The following ZNF541 variants were observed in gnomAD, a reference collection of about 807,000 sequenced individuals.
The protein encoded by ZNF541 is zinc finger protein 541.
In ZNF541, 23 loss-of-function variants were observed where a neutral mutation model predicts 123.5. The observed-to-expected ratio is 0.19, with a 90% confidence interval of 0.13 to 0.26. The LOEUF (loss-of-function observed/expected upper bound fraction) is 0.26, where lower values mean the gene tolerates loss of function less well. ZNF541 is among the 10% of genes least tolerant of loss of function. The pLI is 1.00. For synonymous variants in ZNF541, 751 were observed against 754.5 expected, an observed-to-expected ratio of 1.00 and a Z score of 0.08; for missense variants, 1,612 against 1,789.9, an observed-to-expected ratio of 0.90 and a Z score of 1.79.
intron 9 of ZNF541, among the ~76,000 whole-genome samples, chr19:47,533,240 T>C (rs1281783731): frequency 1.3e-5 from 2 of 151,090 alleles, no homozygotes; most frequent in East Asian, 1.9e-4. Context: ...GGCGTGGTAG[T>C]GGGTGCCTGT....
Position 47,531,737 on chromosome 19 carries a change from G to A in ZNF541, c.3310C>T (p.Leu1104Phe), listed in dbSNP as rs1360679614. ...ACGCTGGAGCATGCCACATTGCAGA[G>A]CTCGGTCACTGTTTCCAAGAAGGAC... is the stretch of plus-strand genomic sequence containing the variant. Reference protein sequence around the residue: ...SSETQDRVTELCNVACSSVMP... With the variant: ...SSETQDRVTEFCNVACSSVMP... The change falls in exon 12 of 17, where the codon CTC becomes TTC. Residue 1104 changes from leucine (L) to phenylalanine (F), a missense_variant. Coordinates refer to ENST00000391901, the MANE Select transcript of ZNF541 (RefSeq NM_001277075.3). The A allele has an allele frequency of 3.2e-6, 5 of 1,543,536 alleles. No homozygotes were observed. Among genetic ancestry groups the A allele is most frequent in the Admixed American group, 3.9e-5 (2 of 50,722 alleles).
chr19:47,524,564 C>T (rs936210940), intron 14 of ZNF541, among the ~76,000 whole-genome samples: 1 of 151,778 alleles, frequency 6.6e-6, no homozygotes, highest in Admixed American at 6.6e-5. Context: ...AAAATTTAGC[C>T]GGGTGTGGTG....
chr19:47,524,706 TAAAAAAA>T (rs1159585510), intron 14 of ZNF541, among the ~76,000 whole-genome samples: 1 of 96,746 alleles, frequency 1.0e-5, no homozygotes, highest in Non-Finnish European at 2.1e-5. Context: ...AGACTCTGTC[TAAAAAAA>T]AAAAAAAAAA....
At chr19:47,568,802 G>A (rs1360288066) in intron 2 of ZNF541, among the ~76,000 whole-genome samples, 1 of 152,232 alleles carries the variant, frequency 6.6e-6, no homozygotes, top group Non-Finnish European at 1.5e-5. Flanking sequence ...CTTCCGAGTA[G>A]CTGGGACTAC....
chr19:47,544,623 T>C lies in ZNF541; in HGVS notation c.1906A>G (p.Arg636Gly), dbSNP rs1970237019. 1 of 1,550,588 alleles carries C rather than the reference T, an allele frequency of 6.4e-7. No individual in the cohort carries two copies. Among genetic ancestry groups the C allele is most frequent in the Non-Finnish European group, 8.7e-7 (1 of 1,146,840 alleles). The change falls in exon 5 of 17, where the codon AGA (arginine) becomes GGA (glycine). Residue 636 changes from arginine (R) to glycine (G), a missense_variant. Coordinates refer to ENST00000391901, the MANE Select transcript of ZNF541 (RefSeq NM_001277075.3). The stretch of plus-strand genomic sequence containing the variant: ...CTCGTGCTGCCGGGGGAGGCCTCTC[T>C]GGGAACCCCGGGTGTGGTTTTTCTC... ...RRRKTTPGVP[R>G]EASPGSTRRD... is the part of the protein sequence containing the mutation.
chr19:47,544,899 T>C lies in ZNF541; in HGVS notation c.1630A>G (p.Lys544Glu), dbSNP rs1186986786. ...TGGCTCACAAGAGGTTCCTGCGACT[T>C]GAGGAAGAGCTGGCGGAAGAGCGGC... is the stretch of plus-strand genomic sequence containing the variant. The part of the protein sequence containing the change: ...ASPLFRQLFL[K>E]SQEPLVSHEQ... Residue 544 changes from lysine to glutamate, a missense_variant, in exon 5 of 17, where the codon AAG becomes GAG. Around this residue, in one of 5 missense-constraint regions of ZNF541, gnomAD observed 1,080 missense variants for 1,013.8 expected, o/e 1.07. Transcript: ENST00000391901. 14 of 1,535,902 alleles carry C rather than the reference T, an allele frequency of 9.1e-6. No homozygotes were observed. The highest frequency in any genetic ancestry group is 1.2e-5 in the Non-Finnish European group (14 of 1,146,768).
rs1196196851 is a variant in ZNF541, at chr19:47,551,387, G to A, written c.308-1902C>T. Among the ~76,000 whole-genome samples, 6 of 151,850 alleles carry A rather than the reference G, an allele frequency of 4.0e-5. No homozygotes were observed. The South Asian group carries it at 8.3e-4, about 21-fold the overall frequency. On this transcript the variant is annotated intron_variant, in intron 3 of 16. Coordinates refer to ENST00000391901, the MANE Select transcript of ZNF541 (RefSeq NM_001277075.3). The stretch of plus-strand genomic sequence containing the variant: ...TTATTATTTTCTTGATAGAGATGGG[G>A]TCTCACTATGTTGTCCAGGCTAGAG...
chr19:47,536,754 G>T (rs910610077), intron 9 of ZNF541, among the ~76,000 whole-genome samples: 7 of 152,036 alleles, frequency 4.6e-5, no homozygotes, highest in African/African-American at 1.4e-4. Context: ...GTGAGACCTT[G>T]TCTCCCAAAA....
In ZNF541 at chr19:47,552,937, C is replaced by T. The variant is rs554530867; in HGVS notation, c.307+2613G>A. Among the ~76,000 whole-genome samples, 106 of 150,574 alleles carry T rather than the reference C, an allele frequency of 7.0e-4. 1 individual carries two copies. Among genetic ancestry groups the T allele is most frequent in the Non-Finnish European group, 4.4e-5 (3 of 67,692 alleles). ...CAGTCTGGCCAAGATGGTGAAACCCCGTCTCTACTAAAAATACAAAAATTA... is the reference window on the plus strand; with the variant it reads ...CAGTCTGGCCAAGATGGTGAAACCCTGTCTCTACTAAAAATACAAAAATTA... On this transcript the variant is annotated intron_variant, in intron 3 of 16. Transcript: ENST00000391901.
intron 4 of ZNF541, 132 bp downstream of exon 4, chr19:47,549,113 G>T: frequency 7.8e-7 from 1 of 1,274,198 alleles, no homozygotes; most frequent in Non-Finnish European, 1.1e-6. Context: ...CTGAGCAGAG[G>T]TAATACACGT....
chr19:47,533,233 G>A (rs1415811910), intron 9 of ZNF541, among the ~76,000 whole-genome samples: 6 of 151,720 alleles, frequency 4.0e-5, no homozygotes, highest in African/African-American at 1.5e-4. Context: ...GTAGCCGGGC[G>A]TGGTAGTGGG....
At chr19:47,555,155 G>T (rs1048677364) in intron 3 of ZNF541, among the ~76,000 whole-genome samples, 1 of 151,050 alleles carries the variant, frequency 6.6e-6, no homozygotes, top group Non-Finnish European at 1.5e-5. Context: ...GGATCATGAG[G>T]TCAGGAGATC....
chr19:47,534,241 C>T (rs892476042), intron 9 of ZNF541, among the ~76,000 whole-genome samples: 7 of 151,634 alleles, frequency 4.6e-5, no homozygotes, highest in African/African-American at 9.7e-5. Context: ...CTATGGAATC[C>T]GAAGAACAAA....
Position 47,544,962 on chromosome 19 carries a change from C to A in ZNF541, c.1567G>T (p.Glu523Ter). ...GGGAGCCCGCCTGCCTTCTGGGCCT[C>A]CTGGAGGCCGGGCTCCCCGGGGTTC... ...CQNPGEPGLQEAQKAGGLPAD... is the reference protein window; with the variant it reads ...CQNPGEPGLQ The change falls in exon 5 of 17, where the codon GAG (glutamate) becomes TAG (stop). Residue 523 changes from glutamate (E) to a stop codon, truncating the protein, a stop_gained. Coordinates refer to ENST00000391901, the MANE Select transcript of ZNF541 (RefSeq NM_001277075.3). LOFTEE classifies it high-confidence loss of function. 1 of 1,533,794 alleles carries A rather than the reference C, an allele frequency of 6.5e-7. No individual in the cohort carries two copies.
intron 14 of ZNF541, among the ~76,000 whole-genome samples, chr19:47,522,925 T>C (rs1374405172): frequency 6.6e-6 from 1 of 151,712 alleles, no homozygotes; most frequent in East Asian, 1.9e-4. Flanking sequence ...TTTTGTATCT[T>C]TGTAGAGACA....
At chr19:47,564,895 T>C (rs1971203665) in intron 2 of ZNF541, among the ~76,000 whole-genome samples, 1 of 152,078 alleles carries the variant, frequency 6.6e-6, no homozygotes, top group African/African-American at 2.4e-5. Flanking sequence ...ATTCCAAAAA[T>C]ACGGAACCAG....
At chr19:47,532,713 T>C (rs906009775) in intron 10 of ZNF541, among the ~76,000 whole-genome samples, 196 bp downstream of exon 10, 1 of 152,142 alleles carries the variant, frequency 6.6e-6, no homozygotes, top group Non-Finnish European at 1.5e-5. Flanking sequence ...GATTTTCATA[T>C]ATATATATAT....
intron 12 of ZNF541, among the ~76,000 whole-genome samples, chr19:47,530,911 A>G (rs1172813944): frequency 6.6e-6 from 1 of 152,028 alleles, no homozygotes; most frequent in Non-Finnish European, 1.5e-5. Flanking sequence ...TCGGCCTCCC[A>G]AAGTGCTGGG....
At chr19:47,546,096 G>A in intron 4 of ZNF541, 116 bp from the exon 5 acceptor site, 1 of 904,964 alleles carries the variant, frequency 1.1e-6, no homozygotes, top group Non-Finnish European at 1.5e-6. Flanking sequence ...TTCAGAAATT[G>A]TACTCAGCCC....
Sources: gnomAD v4.1 joint callset for allele counts (sites outside exome capture counted in the v4.1 genomes callset) on GRCh38, gnomAD v4.1.1 for gene constraint, gnomAD v4.1.1 regional missense constraint, MANE v1.5 for transcripts, NCBI Gene and HGNC (gene_info 2026-07-23, HGNC 2026-07-21) for gene names.